FIG4: variants seen among roughly 807,000 people sequenced by gnomAD.
The protein encoded by FIG4 is FIG4 phosphoinositide 5-phosphatase, also known as polyphosphoinositide phosphatase.
Under a neutral mutation model 118.6 loss-of-function variants are expected in FIG4, and 112 were observed. That is an observed-to-expected ratio of 0.94 (90% confidence interval 0.81 to 1.11). The LOEUF (loss-of-function observed/expected upper bound fraction) is 1.11, where lower values mean the gene tolerates loss of function less well. Ranked by LOEUF, FIG4 falls within the 50% of genes least tolerant of loss-of-function variation. The pLI, the probability that FIG4 is intolerant of heterozygous loss-of-function variation, is 0.00. For synonymous variants in FIG4, 369 were observed against 381.2 expected, an observed-to-expected ratio of 0.97 and a Z score of 0.37; for missense variants, 969 against 1,111.7, an observed-to-expected ratio of 0.87 and a Z score of 1.83.
chr6:109,769,808 A>G (rs1015899445), intron 15 of FIG4, among the ~76,000 whole-genome samples: 3 of 152,126 alleles, frequency 2.0e-5, no homozygotes, highest in South Asian at 2.1e-4. Flanking sequence ...AGTCCCAGCT[A>G]TGTGAGAGCC....
In FIG4 at chr6:109,716,327, A is replaced by G. The variant is rs113065128; in HGVS notation, c.166-118A>G. ...TTGTAGCTTACTTGTGTACTATTAT[A>G]TACTTCTGTATGAAATAGCTGATGA... On this transcript the variant is annotated intron_variant, in intron 2 of 22. Coordinates refer to ENST00000230124, the MANE Select transcript of FIG4 (RefSeq NM_014845.6). 6.0e-5 allele frequency: 60 copies of G among 1,005,780 alleles called. No homozygotes were observed. In the African/African-American group the frequency reaches 8.0e-4, roughly 13 times the overall value. 62.3% of individuals were successfully genotyped at this position (1,005,780 alleles called of 1,614,324 possible). A position where few individuals can be genotyped will look rare whatever the true frequency, so the allele number is the denominator to read the frequency against.
chr6:109,751,531 A>G (rs1487089534), intron 10 of FIG4, among the ~76,000 whole-genome samples: 1 of 152,156 alleles, frequency 6.6e-6, no homozygotes, highest in Non-Finnish European at 1.5e-5. Context: ...TTGGCTGTGA[A>G]TCTATCTGGT....
intron 12 of FIG4, among the ~76,000 whole-genome samples, chr6:109,762,608 C>T (rs567162847): frequency 6.6e-6 from 1 of 150,400 alleles, no homozygotes; most frequent in Non-Finnish European, 1.5e-5. Flanking sequence ...ATTTTGGGAG[C>T]TTCTTCAGAT....
intron 1 of FIG4, among the ~76,000 whole-genome samples, chr6:109,693,795 T>A (rs1774625803): frequency 1.3e-5 from 2 of 152,066 alleles, no homozygotes; most frequent in Admixed American, 6.6e-5. Context: ...CAGCAAATGG[T>A]TGGGGCTGGG....
chr6:109,777,121 A>G, intron 16 of FIG4, 61 bp downstream of exon 16: 1 of 1,461,396 alleles, frequency 6.8e-7, no homozygotes, highest in Non-Finnish European at 9.5e-7. Flanking sequence ...AATATGAGAT[A>G]CTTTTCATTT....
At chr6:109,735,065 A>C (rs1776119989) in intron 5 of FIG4, 85 bp from the exon 6 acceptor site, 1 of 1,189,458 alleles carries the variant, frequency 8.4e-7, no homozygotes, top group Admixed American at 1.7e-5. Context: ...AATTTAGTTC[A>C]CAGATTTTAA....
intron 1 of FIG4, among the ~76,000 whole-genome samples, chr6:109,695,094 A>C (rs554030780): frequency 3.7e-4 from 57 of 152,344 alleles, no homozygotes; most frequent in African/African-American, 1.3e-3. Flanking sequence ...GATTTCAAAA[A>C]GTTCATGGGA....
At chr6:109,744,063 A>G (rs774478825) in intron 10 of FIG4, among the ~76,000 whole-genome samples, 2 of 152,144 alleles carry the variant, frequency 1.3e-5, no homozygotes, top group Non-Finnish European at 2.9e-5. Flanking sequence ...TGAATTAGAT[A>G]TAGGTCAAAT....
intron 22 of FIG4, among the ~76,000 whole-genome samples, chr6:109,818,463 G>C (rs1046729364): frequency 6.6e-6 from 1 of 152,062 alleles, no homozygotes; most frequent in South Asian, 2.1e-4. Context: ...GTCTCCCAAA[G>C]TGCTGAGATT....
chr6:109,724,156 C>T (rs1562646748), intron 3 of FIG4, among the ~76,000 whole-genome samples: 1 of 151,982 alleles, frequency 6.6e-6, no homozygotes, highest in African/African-American at 2.4e-5. Context: ...TGGAAAGGCA[C>T]TTGGTTTTTA....
In FIG4 at chr6:109,691,426, TGCCGCCGCCATGCCCACG is replaced by T. The variant is rs2128375200; in HGVS notation, c.1_18del (p.MetProThrAlaAlaAla1_?6). 4 of 1,572,428 alleles carry T rather than the reference TGCCGCCGCCATGCCCACG, an allele frequency of 2.5e-6. No homozygotes were observed. The highest frequency in any genetic ancestry group is 3.5e-6 in the Non-Finnish European group (4 of 1,158,664). On this transcript the variant is annotated start_lost and 5_prime_UTR_variant, in exon 1 of 23. Transcript: ENST00000230124. ...CGTGCCCTGTTGTGGGGCCCCCATTTGCCGCCGCCATGCCCACGGCCGCCGCCCCCATCATCAGCTCGG... is the reference window on the plus strand; with the variant it reads ...CGTGCCCTGTTGTGGGGCCCCCATTTGCCGCCGCCCCCATCATCAGCTCGG...
At chr6:109,772,236 T>G (rs1235745601) in intron 15 of FIG4, among the ~76,000 whole-genome samples, 3 of 152,204 alleles carry the variant, frequency 2.0e-5, no homozygotes. Flanking sequence ...TATTGAGATC[T>G]CTGTCAATAG....
Position 109,771,538 on chromosome 6 carries a change from G to T in FIG4, c.1750+4643G>T, listed in dbSNP as rs192754151. On this transcript the variant is annotated intron_variant, in intron 15 of 22. Coordinates refer to ENST00000230124, the MANE Select transcript of FIG4 (RefSeq NM_014845.6). ...GGCTGGAGTGCAGTGGCACTATCTC[G>T]GCTCACTGCAAGCTCCGCCTCCTGG... Among the ~76,000 whole-genome samples the T allele has an allele frequency of 7.4e-3, 968 of 130,382 alleles. 13 individuals are homozygous for T. The highest frequency in any genetic ancestry group is 0.027 in the African/African-American group (936 of 34,234). 85.5% of individuals were successfully genotyped at this position (130,382 alleles called of 152,430 possible). A position where few individuals can be genotyped will look rare whatever the true frequency, so the allele number is the denominator to read the frequency against.
chr6:109,791,668 T>G, intron 20 of FIG4, 97 bp downstream of exon 20: 1 of 969,718 alleles, frequency 1.0e-6, no homozygotes, highest in Non-Finnish European at 1.6e-6. Context: ...CAAGAAAATG[T>G]CACATTATCT....
rs571649446 is a variant in FIG4 at position 109,795,095 on chromosome 6, G to GTTTTTTTTTTTTTTT, written c.2460-1644_2460-1630dup. Among the ~76,000 whole-genome samples, 44 of 57,250 alleles carry GTTTTTTTTTTTTTTT rather than the reference G, an allele frequency of 7.7e-4. 17 individuals are homozygous for GTTTTTTTTTTTTTTT. Among genetic ancestry groups the GTTTTTTTTTTTTTTT allele is most frequent in the Non-Finnish European group, 1.4e-3 (39 of 28,708 alleles). 37.6% of individuals were successfully genotyped at this position (57,250 alleles called of 152,430 possible). A position where few individuals can be genotyped will look rare whatever the true frequency, so the allele number is the denominator to read the frequency against. ...TCCTCAAAGCTTCATACACTTGCCA[G>GTTTTTTTTTTTTTTT]TTTTTTTTTTTTTTTTTTTTTTTTT... On this transcript the variant is annotated intron_variant, in intron 21 of 22. Coordinates refer to ENST00000230124, the MANE Select transcript of FIG4 (RefSeq NM_014845.6).
chr6:109,767,377 G>A (rs1327885670), intron 15 of FIG4, among the ~76,000 whole-genome samples: 2 of 152,062 alleles, frequency 1.3e-5, no homozygotes, highest in Admixed American at 6.6e-5. Flanking sequence ...CATGTAACAG[G>A]GTGTTGAAAT....
At chr6:109,754,505 A>G (rs892167852) in intron 10 of FIG4, among the ~76,000 whole-genome samples, 4 of 152,224 alleles carry the variant, frequency 2.6e-5, no homozygotes, top group Non-Finnish European at 5.9e-5. Context: ...GAATAGTTTC[A>G]GAAGGAATGG....
At chr6:109,756,837 T>G (rs892313684) in intron 10 of FIG4, among the ~76,000 whole-genome samples, 1 of 152,168 alleles carries the variant, frequency 6.6e-6, no homozygotes, top group Non-Finnish European at 1.5e-5. Context: ...ATACATTCGT[T>G]TAAATTTTTT....
Position 109,691,397 on chromosome 6 carries a change from G to A in FIG4, c.-39G>A, listed in dbSNP as rs776460299. The stretch of plus-strand genomic sequence containing the variant: ...GCCGAGTCTCCTGGGGCGGTCCGGA[G>A]GCTCGTGCCCTGTTGTGGGGCCCCC... On this transcript the variant is annotated 5_prime_UTR_variant, in exon 1 of 23. Coordinates refer to ENST00000230124, the MANE Select transcript of FIG4 (RefSeq NM_014845.6). 9.7e-6 allele frequency: 15 copies of A among 1,545,132 alleles called. No individual in the cohort carries two copies. Among genetic ancestry groups the A allele is most frequent in the Middle Eastern group, 1.7e-4 (1 of 6,004 alleles).
Sources: gnomAD v4.1 joint callset for allele counts (sites outside exome capture counted in the v4.1 genomes callset) on GRCh38, gnomAD v4.1.1 for gene constraint, MANE v1.5 for transcripts, NCBI Gene and HGNC (gene_info 2026-07-23, HGNC 2026-07-21) for gene names.